ATP6V1C1: variants seen among roughly 807,000 people sequenced by gnomAD.
The protein encoded by ATP6V1C1 is ATPase H+ transporting V1 subunit C1.
In ATP6V1C1, 45 loss-of-function variants were observed where a neutral mutation model predicts 53.9. That is an observed-to-expected ratio of 0.83 (90% CI 0.66 to 1.07). ATP6V1C1 has a LOEUF of 1.07. ATP6V1C1 is among the 50% of genes least tolerant of loss of function. ATP6V1C1 has a pLI of 0.00. For synonymous variants in ATP6V1C1, 153 were observed against 155.2 expected (o/e 0.99, Z 0.11); for missense variants, 315 against 440.3 (o/e 0.72, Z 2.55).
intron 3 of ATP6V1C1, among the ~76,000 whole-genome samples, chr8:103,047,464 A>ACACACACACACAT (rs137856477): frequency 7.1e-4 from 89 of 125,574 alleles, no homozygotes; most frequent in East Asian, 2.7e-3. Flanking sequence ...ACACACACAC[A>ACACACACACACAT]TTTTTTTTTT....
chr8:103,049,288 A>G (rs146720105), intron 4 of ATP6V1C1, among the ~76,000 whole-genome samples: 2 of 152,352 alleles, frequency 1.3e-5, no homozygotes, highest in East Asian at 3.9e-4. Flanking sequence ...TCCAAGTTGT[A>G]TATCTCAGCA....
Position 103,055,880 on chromosome 8 carries a change from C to G in ATP6V1C1, c.585C>G (p.Asn195Lys), listed in dbSNP as rs368547373. 3 of 1,611,894 alleles carry G rather than the reference C, an allele frequency of 1.9e-6. No homozygotes were observed. The highest frequency in any genetic ancestry group is 2.5e-6 in the Non-Finnish European group (3 of 1,178,420). ...ACCTTTTCTGCAGGTTAAACCACAA[C>G]GACTGGATTAAGCAGTATGAAACAC... ...LLVVVPKLNH[N>K]DWIKQYETLA... The change falls in exon 8 of 13, where the codon AAC becomes AAG. Residue 195 changes from asparagine (N) to lysine (K), a missense_variant. Asn to Lys is a moderately conservative substitution (Grantham distance 94). Transcript: ENST00000518738.
chr8:103,067,598 C>CTTTTTTTTTTTTTTT (rs764474136), intron 12 of ATP6V1C1, among the ~76,000 whole-genome samples: 7 of 114,938 alleles, frequency 6.1e-5, no homozygotes, highest in Non-Finnish European at 9.2e-5. Flanking sequence ...TTTTCTTTTT[C>CTTTTTTTTTTTTTTT]TTTTTTTTTT....
intron 3 of ATP6V1C1, among the ~76,000 whole-genome samples, chr8:103,044,104 G>A (rs1255976203): frequency 4.0e-5 from 6 of 151,866 alleles, no homozygotes; most frequent in African/African-American, 1.5e-4. Flanking sequence ...GGACAGGCTG[G>A]TCTCGAACTC....
chr8:103,048,778 C>A, intron 3 of ATP6V1C1, 92 bp from the exon 4 acceptor site: 1 of 1,078,222 alleles, frequency 9.3e-7, no homozygotes, highest in Non-Finnish European at 1.4e-6. Flanking sequence ...AACATATAGT[C>A]AAATTCATGT....
In ATP6V1C1 at chr8:103,068,921, A is replaced by T. The variant is rs1024594027; in HGVS notation, c.*174A>T. 4 of 370,104 alleles carry T rather than the reference A, an allele frequency of 1.1e-5. No homozygotes were observed. Among genetic ancestry groups the T allele is most frequent in the African/African-American group, 6.3e-5 (3 of 47,784 alleles). 22.9% of individuals were successfully genotyped at this position (370,104 alleles called of 1,614,324 possible). ...TCAACATTTTCTTTTTAAAGGAAAA[A>T]ATATATATATATAGTTTCTTTTTAT... is the stretch of plus-strand genomic sequence containing the variant. On this transcript the variant is annotated 3_prime_UTR_variant, in exon 13 of 13. Transcript: ENST00000518738.
At position 103,069,165 on chromosome 8, in the gene ATP6V1C1, A is replaced by C. The variant is rs974736327; in HGVS notation, c.*418A>C. ...GACATAACTGTTGAATAGTTACTGA[A>C]TCATGATGTAAAGAATATGTGACCA... On this transcript the variant is annotated 3_prime_UTR_variant, in exon 13 of 13. Coordinates refer to ENST00000518738, the MANE Select transcript of ATP6V1C1 (RefSeq NM_001695.5). 8 of 152,388 alleles carry C rather than the reference A, an allele frequency of 5.2e-5. No homozygotes were observed. The highest frequency in any genetic ancestry group is 1.9e-4 in the African/African-American group (8 of 41,450). 9.4% of individuals were successfully genotyped at this position (152,388 alleles called of 1,614,324 possible). A position where few individuals can be genotyped will look rare whatever the true frequency, so the allele number is the denominator to read the frequency against.
intron 12 of ATP6V1C1, 68 bp from the exon 13 acceptor site, chr8:103,068,584 T>A: frequency 8.1e-7 from 1 of 1,237,890 alleles, no homozygotes; most frequent in South Asian, 1.4e-5. Flanking sequence ...AAGGTAAATG[T>A]TAATACTTGC....
At chr8:103,047,768 C>T (rs1470934267) in intron 3 of ATP6V1C1, among the ~76,000 whole-genome samples, 1 of 152,216 alleles carries the variant, frequency 6.6e-6, no homozygotes, top group Non-Finnish European at 1.5e-5. Context: ...CCCATGGCAA[C>T]GATATGCTTT....
intron 10 of ATP6V1C1, 198 bp from the exon 11 acceptor site, chr8:103,064,516 C>T (rs1211779139): frequency 4.4e-6 from 2 of 451,634 alleles, no homozygotes; most frequent in African/African-American, 2.0e-5. Context: ...TGAGATCTCT[C>T]TGTAGTGGCG....
intron 1 of ATP6V1C1, among the ~76,000 whole-genome samples, chr8:103,029,108 A>G (rs976000518): frequency 2.0e-5 from 3 of 151,604 alleles, no homozygotes; most frequent in Admixed American, 1.3e-4. Context: ...TTTTTTTTTT[A>G]TAATTTAATG....
intron 1 of ATP6V1C1, among the ~76,000 whole-genome samples, chr8:103,029,614 T>G (rs1221832750): frequency 6.6e-6 from 1 of 152,202 alleles, no homozygotes; most frequent in African/African-American, 2.4e-5. Context: ...TCCCATGTGA[T>G]GTGTAATTAT....
In ATP6V1C1 at chr8:103,045,299, C is replaced by CAG. The variant is rs769559914; in HGVS notation, c.200+2906_200+2907dup. ...GCAATAGAGACTGAGGTCAGGGTTA[C>CAG]AGAGAGAGAGAGAGATCTTTTAATA... On this transcript the variant is annotated intron_variant, in intron 3 of 12. Transcript: ENST00000518738. Among the ~76,000 whole-genome samples, 20 of 151,314 alleles carry CAG rather than the reference C, an allele frequency of 1.3e-4. No individual in the cohort carries two copies. The East Asian group carries it at 1.4e-3, about 10-fold the overall frequency.
chr8:103,043,391 C>T (rs555238813), intron 3 of ATP6V1C1, among the ~76,000 whole-genome samples: 4 of 151,838 alleles, frequency 2.6e-5, no homozygotes, highest in East Asian at 1.9e-4. Context: ...GGCATGATCT[C>T]GTCTCACTGC....
rs1817607838 is a variant in ATP6V1C1 at position 103,072,805 on chromosome 8, A to G, written c.*4058A>G. On this transcript the variant is annotated 3_prime_UTR_variant, in exon 13 of 13. Coordinates refer to ENST00000518738, the MANE Select transcript of ATP6V1C1 (RefSeq NM_001695.5). ...AAAGCCATGGAAGCCATGAACAGTA[A>G]GAGACTGCCGCCTGGCATGGTTTCT... The G allele has an allele frequency of 6.6e-6, 1 of 152,274 alleles. No individual in the cohort carries two copies. Among genetic ancestry groups the G allele is most frequent in the Admixed American group, 6.5e-5 (1 of 15,288 alleles). 9.4% of individuals were successfully genotyped at this position (152,274 alleles called of 1,614,324 possible).
At chr8:103,055,691 T>C (rs886095143) in intron 7 of ATP6V1C1, among the ~76,000 whole-genome samples, 177 bp from the exon 8 acceptor site, 1 of 152,204 alleles carries the variant, frequency 6.6e-6, no homozygotes, top group Non-Finnish European at 1.5e-5. Flanking sequence ...CCTGCATTAC[T>C]CAGTGTATTT....
intron 1 of ATP6V1C1, among the ~76,000 whole-genome samples, chr8:103,026,559 A>G (rs1816696802): frequency 6.6e-6 from 1 of 152,214 alleles, no homozygotes; most frequent in Non-Finnish European, 1.5e-5. Flanking sequence ...TAATCCCAGC[A>G]CTTTGGGAAG....
At chr8:103,050,743 C>CT (rs1294074444) in intron 4 of ATP6V1C1, among the ~76,000 whole-genome samples, 9 of 152,046 alleles carry the variant, frequency 5.9e-5, no homozygotes, top group Non-Finnish European at 8.8e-5. Context: ...GAAGTAGTTT[C>CT]TTAATCTTTA....
At chr8:103,056,731 T>G (rs1024002824) in intron 8 of ATP6V1C1, among the ~76,000 whole-genome samples, 5 of 152,170 alleles carry the variant, frequency 3.3e-5, no homozygotes, top group African/African-American at 9.7e-5. Flanking sequence ...TGAGAAAATA[T>G]AAATACAGTG....
Sources: allele counts gnomAD v4.1 joint callset (sites outside exome capture counted in the v4.1 genomes callset), GRCh38; gene constraint gnomAD v4.1.1; transcripts MANE v1.5; gene names NCBI Gene and HGNC (gene_info 2026-07-23, HGNC 2026-07-21).